Variants in SLC38A12 observed in about 807,000 individuals in gnomAD.
SLC38A12 encodes solute carrier family 38 member 12, also known as putative sodium-coupled neutral amino acid transporter 12.
the SLC38A12 span, among the ~76,000 whole-genome samples, chr17:74,793,539 G>T: frequency 6.6e-6 from 1 of 152,220 alleles, no homozygotes; most frequent in Admixed American, 6.5e-5. Flanking sequence ...TTCTCAGGAA[G>T]TTCATTGATC....
chr17:74,790,914 G>A, the SLC38A12 span: 53 of 1,592,484 alleles, frequency 3.3e-5, no homozygotes, highest in South Asian at 2.4e-4. Context: ...AGCTCTCCAC[G>A]TGAAGAACCA....
At chr17:74,819,249 C>T in the SLC38A12 span, among the ~76,000 whole-genome samples, 1 of 152,234 alleles carries the variant, frequency 6.6e-6, no homozygotes, top group Admixed American at 6.5e-5. Context: ...TCTCCAAGCC[C>T]GTCAGAAGAG....
At chr17:74,808,506 T>G in the SLC38A12 span, among the ~76,000 whole-genome samples, 1,975 of 152,280 alleles carry the variant, frequency 0.013, 40 homozygotes, top group African/African-American at 0.045. Flanking sequence ...ACTCTGGTAG[T>G]GCCTGGCAGT....
the SLC38A12 span, among the ~76,000 whole-genome samples, chr17:74,828,877 C>G: frequency 2.0e-5 from 3 of 152,036 alleles, no homozygotes; most frequent in Non-Finnish European, 4.4e-5. Context: ...CTTTCAAATC[C>G]TTAGCATCTC....
chr17:74,783,618 C>T, the SLC38A12 span, among the ~76,000 whole-genome samples: 1 of 152,124 alleles, frequency 6.6e-6, no homozygotes, highest in Admixed American at 6.5e-5. Context: ...CCAGTTAGCA[C>T]CTGCTGGGAA....
the SLC38A12 span, chr17:74,790,304 T>C: frequency 6.2e-7 from 1 of 1,613,606 alleles, no homozygotes; most frequent in Non-Finnish European, 8.5e-7. Flanking sequence ...TGCGTAAGTC[T>C]TGGGGTTCTC....
At chr17:74,836,813 A>C in the SLC38A12 span, 6 of 1,433,070 alleles carry the variant, frequency 4.2e-6, no homozygotes, top group Admixed American at 2.8e-5. This position sits in a 1 kb window ranked among gnomAD's most constrained non-coding sequence, Gnocchi z 4.2. Context: ...TCTAGGGGAA[A>C]CCCCCTGTCC....
the SLC38A12 span, among the ~76,000 whole-genome samples, chr17:74,782,543 C>G: frequency 1.3e-5 from 2 of 152,164 alleles, no homozygotes; most frequent in African/African-American, 4.8e-5. Context: ...CTAGATGACC[C>G]CTTCCCACCC....
At chr17:74,789,158 G>C in the SLC38A12 span, among the ~76,000 whole-genome samples, 9 of 152,156 alleles carry the variant, frequency 5.9e-5, no homozygotes, top group Non-Finnish European at 1.0e-4. Context: ...ACTTCTTCCC[G>C]AGTGCGTCTC....
At chr17:74,815,810 T>G in the SLC38A12 span, among the ~76,000 whole-genome samples, 1 of 152,172 alleles carries the variant, frequency 6.6e-6, no homozygotes, top group African/African-American at 2.4e-5. Flanking sequence ...AGCTGACTCT[T>G]CAGTCTGTTC....
At chr17:74,821,918 C>G in the SLC38A12 span, among the ~76,000 whole-genome samples, 1 of 152,206 alleles carries the variant, frequency 6.6e-6, no homozygotes, top group Non-Finnish European at 1.5e-5. Context: ...CCCGTCCCTT[C>G]CCCTCATCCA....
the SLC38A12 span, among the ~76,000 whole-genome samples, chr17:74,801,907 G>A: frequency 1.3e-5 from 2 of 152,132 alleles, no homozygotes; most frequent in South Asian, 4.2e-4. Context: ...ATGAAATTCA[G>A]GTTGCCTGTC....
chr17:74,830,332 G>A, the SLC38A12 span, among the ~76,000 whole-genome samples: 6 of 152,192 alleles, frequency 3.9e-5, no homozygotes, highest in Non-Finnish European at 7.4e-5. Context: ...ATAAACCAGC[G>A]CCACCTTTGC....
At chr17:74,812,041 A>T in the SLC38A12 span, among the ~76,000 whole-genome samples, 1 of 151,804 alleles carries the variant, frequency 6.6e-6, no homozygotes, top group African/African-American at 2.4e-5. Context: ...GCCTCAAAAA[A>T]AAAAAAATAG....
At chr17:74,835,797 C>G in the SLC38A12 span, 1 of 1,473,478 alleles carries the variant, frequency 6.8e-7, no homozygotes, top group Non-Finnish European at 9.0e-7. Flanking sequence ...AAGAACAGGG[C>G]TGCATGAACA....
the SLC38A12 span, among the ~76,000 whole-genome samples, chr17:74,824,072 G>A: frequency 6.6e-6 from 1 of 152,168 alleles, no homozygotes; most frequent in East Asian, 1.9e-4. Context: ...CCATGAGACT[G>A]GGGACATGAC....
the SLC38A12 span, among the ~76,000 whole-genome samples, chr17:74,799,783 C>T: frequency 6.6e-6 from 1 of 152,208 alleles, no homozygotes; most frequent in Admixed American, 6.5e-5. Context: ...ATTTGCAACA[C>T]TTAAAATGGT....
At chr17:74,819,649 C>A in the SLC38A12 span, 2 of 1,190,626 alleles carry the variant, frequency 1.7e-6, no homozygotes, top group Non-Finnish European at 1.2e-6. Context: ...CAGGCCCGGC[C>A]TTAGCTATGG....
chr17:74,794,958 AAAC>A, the SLC38A12 span: 1 of 1,468,070 alleles, frequency 6.8e-7, no homozygotes, highest in Admixed American at 1.9e-5. Context: ...AAAAAAAAAA[AAAC>A]ATGCAGACAT....
Sources: gnomAD v4.1 joint callset for allele counts (sites outside exome capture counted in the v4.1 genomes callset) on GRCh38, gnomAD v4.1.1 for gene constraint, Gnocchi (gnomAD v3.1) non-coding constraint, MANE v1.5 for transcripts, NCBI Gene and HGNC (gene_info 2026-07-23, HGNC 2026-07-21) for gene names.